The following ARF4 variants were observed in gnomAD, a reference collection of about 807,000 sequenced individuals.
ARF4 encodes the protein ARF GTPase 4.
ARF4 carries 5 observed loss-of-function variants against 24.3 expected under a neutral mutation model. The observed-to-expected ratio is 0.21, with a 90% CI of 0.11 to 0.43. ARF4 has a LOEUF of 0.43. Among genes scored for constraint, ARF4 ranks in the 20% least tolerant of loss-of-function variants. ARF4 has a pLI of 1.00. For synonymous variants in ARF4, 62 were observed against 73.5 expected (o/e 0.84, Z 0.80); for missense variants, 107 against 213.0 (o/e 0.50, Z 3.10).
chr3:57,576,477 T>C (rs1300828884), intron 4 of ARF4, among the ~76,000 whole-genome samples: 9 of 151,578 alleles, frequency 5.9e-5, no homozygotes, highest in Admixed American at 5.9e-4. Flanking sequence ...ATGACATTTA[T>C]AGTGTGTGAA....
chr3:57,597,200 TCTC>T lies in ARF4; in HGVS notation c.-63_-61del. 6.6e-7 allele frequency: 1 copy of T among 1,520,340 alleles called. No individual in the cohort carries two copies. Among genetic ancestry groups the T allele is most frequent in the South Asian group, 1.1e-5 (1 of 87,904 alleles). 94.2% of individuals were successfully genotyped at this position (1,520,340 alleles called of 1,614,324 possible). On this transcript the variant is annotated 5_prime_UTR_variant, in exon 1 of 6. Coordinates refer to ENST00000303436, the MANE Select transcript of ARF4 (RefSeq NM_001660.4). ...AGGGGTTTGGGGCGACCCCGTGCTT[TCTC>T]CTTTCAAGCTCCCAGGCAAACTAAA...
chr3:57,579,777 A>T (rs1369660264), intron 3 of ARF4, among the ~76,000 whole-genome samples: 1 of 152,064 alleles, frequency 6.6e-6, no homozygotes, highest in African/African-American at 2.4e-5. Flanking sequence ...CTGCATCTAT[A>T]CCACCTGGAA....
chr3:57,594,383 T>C (rs1188677205), intron 1 of ARF4, among the ~76,000 whole-genome samples: 7 of 152,196 alleles, frequency 4.6e-5, no homozygotes, highest in Admixed American at 4.6e-4. Flanking sequence ...CCACCACACC[T>C]GGCCAGAAGC....
rs2069842794 is a variant in ARF4, at chr3:57,571,491, A to G, written c.*721T>C. On this transcript the variant is annotated 3_prime_UTR_variant, in exon 6 of 6. Transcript: ENST00000303436. ...TCTGCCCAATAAACAAAACATCAGC[A>G]GAACTATCATATACTGAGCAAAAAA... 2.0e-5 allele frequency: 3 copies of G among 152,686 alleles called. No individual in the cohort carries two copies. The highest frequency in any genetic ancestry group is 2.0e-4 in the Admixed American group (3 of 15,286). The allele number at this position is 152,686 out of a possible 1,614,324, so 9.5% of individuals were successfully genotyped here.
chr3:57,581,799 A>C (rs182544955), intron 3 of ARF4, among the ~76,000 whole-genome samples: 2 of 152,354 alleles, frequency 1.3e-5, no homozygotes, highest in African/African-American at 4.8e-5. Context: ...TCTCAAAAAA[A>C]ATAAACAAAC....
At chr3:57,575,487 A>G in intron 5 of ARF4, 61 bp downstream of exon 5, 1 of 1,481,830 alleles carries the variant, frequency 6.7e-7, no homozygotes, top group Non-Finnish European at 9.1e-7. Flanking sequence ...ATATTAGCTT[A>G]CACAACTATC....
intron 1 of ARF4, among the ~76,000 whole-genome samples, chr3:57,596,345 G>T (rs550399056): frequency 3.9e-5 from 6 of 152,210 alleles, no homozygotes; most frequent in African/African-American, 1.4e-4. Flanking sequence ...ACCTTAGACC[G>T]CCTAAAAATA....
chr3:57,594,209 A>C (rs1321779658), intron 1 of ARF4, among the ~76,000 whole-genome samples: 1 of 152,188 alleles, frequency 6.6e-6, no homozygotes, highest in Admixed American at 6.5e-5. Context: ...GGGAGACAAG[A>C]GTGAAACTCC....
chr3:57,589,743 A>C (rs2070085641), intron 1 of ARF4, among the ~76,000 whole-genome samples: 1 of 151,534 alleles, frequency 6.6e-6, no homozygotes, highest in African/African-American at 2.4e-5. Flanking sequence ...AAACCCAAAA[A>C]AACAAACCTT....
chr3:57,587,319 CAAAAAAA>C (rs56787111), intron 1 of ARF4, among the ~76,000 whole-genome samples: 1,696 of 45,412 alleles, frequency 0.037, 26 homozygotes, highest in African/African-American at 0.11. Flanking sequence ...AACTCAGTCT[CAAAAAAA>C]AAAAAAAAAA....
intron 3 of ARF4, among the ~76,000 whole-genome samples, chr3:57,579,612 C>G (rs1160992961): frequency 6.6e-6 from 1 of 152,036 alleles, no homozygotes; most frequent in Non-Finnish European, 1.5e-5. Flanking sequence ...TTTCTGTTTA[C>G]CTCTCAGGAT....
chr3:57,579,415 G>A (rs1235576119), intron 3 of ARF4, among the ~76,000 whole-genome samples: 2 of 151,858 alleles, frequency 1.3e-5, no homozygotes, highest in East Asian at 3.9e-4. Flanking sequence ...AGCCTCCTGA[G>A]TAGCTGAGAT....
At chr3:57,595,952 C>CA (rs1418504496) in intron 1 of ARF4, among the ~76,000 whole-genome samples, 1,827 of 129,496 alleles carry the variant, frequency 0.014, 28 homozygotes, top group African/African-American at 0.043. Flanking sequence ...ACTCCGTCTG[C>CA]AAAAAAAAAA....
intron 1 of ARF4, among the ~76,000 whole-genome samples, chr3:57,590,609 TC>T (rs1176854467): frequency 5.3e-5 from 8 of 152,380 alleles, no homozygotes; most frequent in Admixed American, 4.6e-4. Context: ...TTTCATGTTT[TC>T]CTTTATCTTT....
chr3:57,588,118 C>T (rs557669244), intron 1 of ARF4, among the ~76,000 whole-genome samples: 3 of 152,236 alleles, frequency 2.0e-5, no homozygotes, highest in South Asian at 2.1e-4. Context: ...TTCAACTAGC[C>T]AAGATAAGAC....
rs2070005857 is a variant in ARF4, at chr3:57,583,892, C to T, written c.258+6G>A. 2.6e-6 allele frequency: 4 copies of T among 1,564,036 alleles called. No homozygotes were observed. Reference sequence around the variant, plus strand: ...AAAAGTTATAAAAACATACAGTATCCCTTACCTGGGTATTCTGGAAGTAAT... The same window carrying T: ...AAAAGTTATAAAAACATACAGTATCTCTTACCTGGGTATTCTGGAAGTAAT... On this transcript the variant is annotated splice_donor_region_variant and intron_variant, in intron 3 of 5. Transcript: ENST00000303436.
chr3:57,591,296 T>C lies in ARF4; in HGVS notation c.67+5778A>G, dbSNP rs150694825. 2.6e-3 allele frequency among the ~76,000 whole-genome samples: 400 copies of C among 152,234 alleles called. 1 individual carries two copies. The highest frequency in any genetic ancestry group is 9.2e-3 in the African/African-American group (383 of 41,546). On this transcript the variant is annotated intron_variant, in intron 1 of 5. Coordinates refer to ENST00000303436, the MANE Select transcript of ARF4 (RefSeq NM_001660.4). ...AGCTAGAAAGTGAAAACAACCTAAT[T>C]TTTATCATCTGATGAATGGATAAAT...
intron 3 of ARF4, among the ~76,000 whole-genome samples, chr3:57,578,473 TAGAGATACAAA>T (rs2069932226): frequency 6.6e-6 from 1 of 151,090 alleles, no homozygotes; most frequent in Non-Finnish European, 1.5e-5. Context: ...TATCAATTCT[TAGAGATACAAA>T]TATTAGCTTC....
chr3:57,593,664 T>C (rs1052213777), intron 1 of ARF4, among the ~76,000 whole-genome samples: 2 of 152,238 alleles, frequency 1.3e-5, no homozygotes, highest in African/African-American at 4.8e-5. Flanking sequence ...TTAGTATTTT[T>C]GGATATATAC....
Sources: gnomAD v4.1 joint callset for allele counts (sites outside exome capture counted in the v4.1 genomes callset) on GRCh38, gnomAD v4.1.1 for gene constraint, MANE v1.5 for transcripts, NCBI Gene and HGNC (gene_info 2026-07-23, HGNC 2026-07-21) for gene names.